The following MAP4 variants were observed in gnomAD, a reference collection of about 807,000 sequenced individuals.
The protein encoded by MAP4 is microtubule-associated protein 4.
Under a neutral mutation model 170.2 loss-of-function variants are expected in MAP4, and 76 were observed. The observed-to-expected ratio is 0.45, with a 90% CI of 0.37 to 0.54. MAP4 has a LOEUF of 0.54. Ranked by LOEUF, MAP4 falls within the 20% of genes least tolerant of loss-of-function variation. The pLI, the probability that MAP4 is intolerant of heterozygous loss-of-function variation, is 0.00. For synonymous variants in MAP4, 909 were observed against 994.5 expected (o/e 0.91, Z 1.62); for missense variants, 2,506 against 2,748.0 (o/e 0.91, Z 1.97).
chr3:48,086,152 T>TCACACA (rs373452472), intron 1 of MAP4, among the ~76,000 whole-genome samples: 1 of 148,294 alleles, frequency 6.7e-6, no homozygotes, highest in Non-Finnish European at 1.5e-5. Context: ...ATACACACAC[T>TCACACA]CACACACACA....
chr3:48,022,942 T>A lies in MAP4; in HGVS notation c.-19-24063A>T, dbSNP rs1042659205. ...CCAGGCATTCTTTCTGAAAATGAACTTCAGCACAGACTCCAGGAAATGAAA... is the reference window on the plus strand; with the variant it reads ...CCAGGCATTCTTTCTGAAAATGAACATCAGCACAGACTCCAGGAAATGAAA... On this transcript the variant is annotated intron_variant, in intron 1 of 18. Transcript: ENST00000360240. Among the ~76,000 whole-genome samples the A allele has an allele frequency of 9.2e-5, 14 of 152,214 alleles. No homozygotes were observed. The East Asian group carries it at 2.5e-3, about 27-fold the overall frequency.
At chr3:48,044,780 T>C (rs183317268) in intron 1 of MAP4, among the ~76,000 whole-genome samples, 1 of 150,614 alleles carries the variant, frequency 6.6e-6, no homozygotes, top group African/African-American at 2.4e-5. Context: ...CAAAAAATAA[T>C]TTAAAAAATA....
chr3:48,016,999 A>C (rs914526006), upstream of MAP4, among the ~76,000 whole-genome samples: 1 of 152,022 alleles, frequency 6.6e-6, no homozygotes, highest in African/African-American at 2.4e-5. Context: ...GACTGGTCTC[A>C]AACTCCTGGC....
At chr3:47,893,057 G>A (rs1002656380) in intron 10 of MAP4, among the ~76,000 whole-genome samples, 8 of 150,098 alleles carry the variant, frequency 5.3e-5, no homozygotes, top group East Asian at 1.9e-4. Flanking sequence ...ACACCTTAAC[G>A]TAGTATTAAG....
intron 1 of MAP4, among the ~76,000 whole-genome samples, chr3:48,048,082 C>A (rs761224507): frequency 1.3e-5 from 2 of 152,014 alleles, no homozygotes; most frequent in African/African-American, 4.8e-5. Context: ...AGCCACTGTA[C>A]TGGGCAATGT....
intron 1 of MAP4, among the ~76,000 whole-genome samples, chr3:48,070,363 G>A (rs1236251065): frequency 6.6e-6 from 1 of 151,130 alleles, no homozygotes; most frequent in African/African-American, 2.4e-5. Flanking sequence ...TCTTCACAGA[G>A]ACCTCTTCTT....
At chr3:48,074,676 T>TTTTGGGTG (rs746281743) in intron 1 of MAP4, among the ~76,000 whole-genome samples, 1 of 90,640 alleles carries the variant, frequency 1.1e-5, no homozygotes, top group Non-Finnish European at 2.1e-5. Flanking sequence ...ATCCAGCTAA[T>TTTTGGGTG]TGTGTGTGTG....
chr3:47,987,377 A>G, intron 2 of MAP4: 1 of 1,531,146 alleles, frequency 6.5e-7, no homozygotes, highest in South Asian at 1.2e-5. Context: ...GAAGAAAAGC[A>G]CTTACCAAGA....
At chr3:47,925,908 A>T (rs1318981129) in intron 4 of MAP4, among the ~76,000 whole-genome samples, 2 of 152,160 alleles carry the variant, frequency 1.3e-5, no homozygotes, top group African/African-American at 4.8e-5. Context: ...AAGCTGGAGT[A>T]CAATGGCACG....
intron 1 of MAP4, among the ~76,000 whole-genome samples, chr3:48,007,574 ATGT>A (rs911635752): frequency 1.1e-4 from 17 of 151,994 alleles, no homozygotes; most frequent in Middle Eastern, 3.4e-3. Context: ...GCAGATGGGG[ATGT>A]TGTTTGGAGT....
chr3:47,944,205 G>C (rs953582755), intron 3 of MAP4, among the ~76,000 whole-genome samples: 1 of 151,376 alleles, frequency 6.6e-6, no homozygotes, highest in Non-Finnish European at 1.5e-5. Flanking sequence ...AGCTAATCAG[G>C]AGGCTGAGGC....
intron 1 of MAP4, among the ~76,000 whole-genome samples, chr3:48,030,125 A>C (rs2100115252): frequency 6.7e-6 from 1 of 150,106 alleles, no homozygotes; most frequent in South Asian, 2.1e-4. Flanking sequence ...GTGGTGGCTC[A>C]CGTCTGTAAT....
In MAP4 at chr3:47,916,292, G is replaced by C. The variant is rs1405594539; in HGVS notation, c.1535C>G (p.Thr512Arg). Residue 512 changes from threonine (T) to arginine (R), a missense_variant, in exon 7 of 21, where the codon ACA becomes AGA. Physicochemically the swap from Thr to Arg is moderately conservative, Grantham distance 71. This residue lies in a region of MAP4 where 2,008 missense variants were observed against 2,206.0 expected (regional missense o/e 0.91). Transcript: ENST00000683076. The stretch of plus-strand genomic sequence containing the variant: ...CACATCCTTGCCCAGAGCCATTTCT[G>C]TTTCTGATAGTGGAGACATGTCCTT... ...LLKDMSPLSE[T>R]EMALGKDVTP... The C allele has an allele frequency of 6.2e-7, 1 of 1,614,214 alleles. No individual in the cohort carries two copies. The highest frequency in any genetic ancestry group is 8.5e-7 in the Non-Finnish European group (1 of 1,180,048).
At chr3:47,971,511 C>T (rs1002188935) in intron 3 of MAP4, among the ~76,000 whole-genome samples, 1 of 152,166 alleles carries the variant, frequency 6.6e-6, no homozygotes, top group African/African-American at 2.4e-5. Context: ...TGACTTTACA[C>T]ATGCAAACAG....
intron 10 of MAP4, chr3:47,891,308 CTCT>C (rs977480481): frequency 6.5e-7 from 1 of 1,536,128 alleles, no homozygotes; most frequent in African/African-American, 1.4e-5. Flanking sequence ...CAATTCTTCT[CTCT>C]TCTTGGCCAC....
intron 10 of MAP4, among the ~76,000 whole-genome samples, chr3:47,881,495 T>TATATATATGCA (rs1553753057): frequency 1.0e-5 from 1 of 98,276 alleles, no homozygotes; most frequent in East Asian, 3.4e-4. Flanking sequence ...TATATATATA[T>TATATATATGCA]ATGCATAATC....
chr3:47,935,048 C>T (rs1559515473), intron 3 of MAP4, among the ~76,000 whole-genome samples: 1 of 152,230 alleles, frequency 6.6e-6, no homozygotes, highest in Non-Finnish European at 1.5e-5. Context: ...ATACCTACTT[C>T]ATAAGGCTAA....
chr3:47,984,315 C>T (rs1256449116), intron 2 of MAP4, among the ~76,000 whole-genome samples: 1 of 152,040 alleles, frequency 6.6e-6, no homozygotes, highest in Non-Finnish European at 1.5e-5. Context: ...TATTTTTGAC[C>T]TAAAATGTGC....
Position 47,910,372 on chromosome 3 carries a change from T to G in MAP4, c.4049A>C (p.Asn1350Thr), listed in dbSNP as rs1465437346. 1 of 1,537,852 alleles carries G rather than the reference T, an allele frequency of 6.5e-7. No individual in the cohort carries two copies. Among genetic ancestry groups the G allele is most frequent in the East Asian group, 2.4e-5 (1 of 41,034 alleles). The change falls in exon 9 of 21, where the codon AAT (asparagine) becomes ACT (threonine). Residue 1350 changes from asparagine to threonine, a missense_variant. This residue lies in a region of MAP4 where 2,008 missense variants were observed against 2,206.0 expected (regional missense o/e 0.91). Coordinates refer to ENST00000683076, the MANE Select transcript of MAP4 (RefSeq NM_001385682.1). ...VSEENKTDAANRYTAVADKPS... is the reference protein window; with the variant it reads ...VSEENKTDAATRYTAVADKPS... ...TTTGTCAGCCACTGCAGTGTATCTA[T>G]TGGCTGCATCTGTCTTATTCTCCTC...
Sources: allele counts gnomAD v4.1 joint callset (sites outside exome capture counted in the v4.1 genomes callset), GRCh38; gene constraint gnomAD v4.1.1; regional missense constraint gnomAD v4.1.1; transcripts MANE v1.5; gene names NCBI Gene and HGNC (gene_info 2026-07-23, HGNC 2026-07-21).